DLGAP2: variants seen among roughly 807,000 people sequenced by gnomAD.
DLGAP2 encodes DLG associated protein 2.
DLGAP2 carries 26 observed loss-of-function variants against 100.3 expected under a neutral mutation model. That is an observed-to-expected ratio of 0.26 (90% confidence interval 0.19 to 0.36). DLGAP2 has a LOEUF of 0.36. DLGAP2 is among the 10% of genes least tolerant of loss of function. The pLI, the probability that DLGAP2 is intolerant of heterozygous loss-of-function variation, is 1.00. For synonymous variants in DLGAP2, 886 were observed against 630.1 expected (o/e 1.41, Z -6.08); for missense variants, 1,858 against 1,453.2 (o/e 1.28, Z -4.53).
intron 13 of DLGAP2, among the ~76,000 whole-genome samples, 154 bp downstream of exon 13, chr8:1,691,780 A>G (rs550314041): frequency 6.6e-6 from 1 of 152,310 alleles, no homozygotes; most frequent in South Asian, 2.1e-4. Flanking sequence ...CGCCCTGGGG[A>G]AAGAGACGAT....
At chr8:1,420,743 C>A (rs1563136291) in intron 3 of DLGAP2, among the ~76,000 whole-genome samples, 1 of 152,092 alleles carries the variant, frequency 6.6e-6, no homozygotes, top group African/African-American at 2.4e-5. Context: ...AACTCAGCTC[C>A]CTGGCTCGGT....
At chr8:1,285,709 C>G (rs1799908101) in intron 3 of DLGAP2, among the ~76,000 whole-genome samples, 1 of 152,196 alleles carries the variant, frequency 6.6e-6, no homozygotes. Context: ...TGGCTCATGC[C>G]TGTAATCCCA....
At chr8:1,216,662 G>C (rs1314190474) in intron 2 of DLGAP2, among the ~76,000 whole-genome samples, 1 of 152,102 alleles carries the variant, frequency 6.6e-6, no homozygotes, top group Middle Eastern at 3.4e-3. Context: ...CCGCCAATAA[G>C]TATTTATCTA....
chr8:946,418 C>G (rs183662261), intron 2 of DLGAP2, among the ~76,000 whole-genome samples: 1 of 152,056 alleles, frequency 6.6e-6, no homozygotes, highest in Non-Finnish European at 1.5e-5. Flanking sequence ...CGCCCGCCAC[C>G]ACGCCCGGCT....
chr8:1,613,377 C>T (rs1162753681), intron 6 of DLGAP2, among the ~76,000 whole-genome samples: 1 of 151,014 alleles, frequency 6.6e-6, no homozygotes, highest in Non-Finnish European at 1.5e-5. Context: ...GAACATCACA[C>T]TCTGGGGACT....
chr8:1,452,660 G>A (rs995576966), intron 3 of DLGAP2, among the ~76,000 whole-genome samples: 6 of 152,208 alleles, frequency 3.9e-5, no homozygotes, highest in African/African-American at 1.2e-4. Flanking sequence ...AGGAGATGCC[G>A]AAACATTATC....
intron 3 of DLGAP2, among the ~76,000 whole-genome samples, chr8:1,477,574 G>T (rs918263564): frequency 6.6e-6 from 1 of 152,132 alleles, no homozygotes; most frequent in African/African-American, 2.4e-5. Flanking sequence ...TTCAGAGCCT[G>T]TCTACTGTGG....
At chr8:1,569,726 C>T (rs576230216) in intron 6 of DLGAP2, among the ~76,000 whole-genome samples, 17 of 152,360 alleles carry the variant, frequency 1.1e-4, no homozygotes, top group African/African-American at 4.1e-4. Context: ...GGAGGCTGCA[C>T]AAGCCACCAA....
In DLGAP2 at chr8:1,021,096, T is replaced by C. The variant is rs578172843; in HGVS notation, c.73+113130T>C. Among the ~76,000 whole-genome samples, 3 of 152,366 alleles carry C rather than the reference T, an allele frequency of 2.0e-5. No homozygotes were observed. The South Asian group carries it at 6.2e-4, about 32-fold the overall frequency. The stretch of plus-strand genomic sequence containing the variant: ...CTGGATTAGCCCACAGTTTTGTTCC[T>C]ATGATGGTCACTTGTGCCTACAGAT... On this transcript the variant is annotated intron_variant, in intron 2 of 14. Transcript: ENST00000637795.
intron 2 of DLGAP2, among the ~76,000 whole-genome samples, chr8:925,695 A>C (rs149906597): frequency 2.0e-5 from 3 of 152,102 alleles, no homozygotes; most frequent in Non-Finnish European, 4.4e-5. Flanking sequence ...AAATCTCATC[A>C]TGTATATCTG....
At chr8:850,412 G>T (rs543400319) in intron 1 of DLGAP2, among the ~76,000 whole-genome samples, 1 of 152,116 alleles carries the variant, frequency 6.6e-6, no homozygotes, top group South Asian at 2.1e-4. Context: ...AATTTACAAT[G>T]TATTTTAAGA....
At chr8:1,233,733 GCAGGGCTGTAAGTATTTAGGACAT>G (rs1262326064) in intron 2 of DLGAP2, among the ~76,000 whole-genome samples, 2 of 152,132 alleles carry the variant, frequency 1.3e-5, no homozygotes, top group African/African-American at 4.8e-5. Flanking sequence ...TGGGAAACAC[GCAGGGCTGTAAGTATTTAGGACAT>G]CAGGGTCTCA....
At chr8:1,230,260 C>T (rs1798507657) in intron 2 of DLGAP2, among the ~76,000 whole-genome samples, 1 of 152,130 alleles carries the variant, frequency 6.6e-6, no homozygotes, top group Admixed American at 6.5e-5. Context: ...CTATCCTATT[C>T]TTAATAGCTA....
chr8:1,347,000 G>C lies in DLGAP2; in HGVS notation c.106+88117G>C, dbSNP rs548315089. Among the ~76,000 whole-genome samples, 59 of 152,160 alleles carry C rather than the reference G, an allele frequency of 3.9e-4. 1 individual carries two copies. The highest frequency in any genetic ancestry group is 7.2e-4 in the Non-Finnish European group (49 of 67,996). ...GAGCTGCATTGCACTCATGGTAGCT[G>C]TGTGGAGGTTGAGTTACCATACAGA... is the stretch of plus-strand genomic sequence containing the variant. On this transcript the variant is annotated intron_variant, in intron 3 of 14. Transcript: ENST00000637795.
intron 2 of DLGAP2, among the ~76,000 whole-genome samples, chr8:1,102,654 C>G (rs1804623096): frequency 1.3e-5 from 2 of 152,174 alleles, no homozygotes; most frequent in Non-Finnish European, 2.9e-5. Context: ...CATGTGGGCA[C>G]TCGCCTCTGT....
chr8:1,185,705 ACACTCACACACACACACACACTCACACT>A lies in DLGAP2; in HGVS notation c.74-73142_74-73115del, dbSNP rs1331281895. Reference sequence around the variant, plus strand: ...AAACTAGCTGTAAACACACACACTCACACTCACACACACACACACACTCACACTCACACACACACACTCACACACATTC... The same window carrying A: ...AAACTAGCTGTAAACACACACACTCACACACACACACACTCACACACATTC... On this transcript the variant is annotated intron_variant, in intron 2 of 14. Coordinates refer to ENST00000637795, the MANE Select transcript of DLGAP2 (RefSeq NM_001346810.2). 4.9e-5 allele frequency among the ~76,000 whole-genome samples: 5 copies of A among 101,388 alleles called. No homozygotes were observed. In the South Asian group the frequency reaches 1.2e-3, roughly 25 times the overall value. 66.5% of individuals were successfully genotyped at this position (101,388 alleles called of 152,430 possible). A position where few individuals can be genotyped will look rare whatever the true frequency, so the allele number is the denominator to read the frequency against.
intron 1 of DLGAP2, among the ~76,000 whole-genome samples, chr8:771,615 T>C (rs1821362726): frequency 6.6e-6 from 1 of 152,202 alleles, no homozygotes; most frequent in South Asian, 2.1e-4. Context: ...GTGGTTTAGT[T>C]AAGAGTAATG....
chr8:1,210,964 A>C (rs1484123380), intron 2 of DLGAP2, among the ~76,000 whole-genome samples: 1 of 152,132 alleles, frequency 6.6e-6, no homozygotes, highest in African/African-American at 2.4e-5. Flanking sequence ...TCAAGGACAG[A>C]TCCTCCCCAA....
At chr8:1,027,000 G>A (rs562350553) in intron 2 of DLGAP2, among the ~76,000 whole-genome samples, 1 of 152,152 alleles carries the variant, frequency 6.6e-6, no homozygotes, top group African/African-American at 2.4e-5. Context: ...AACCAAATAA[G>A]AATCACATTT....
Sources: gnomAD v4.1 joint callset for allele counts (sites outside exome capture counted in the v4.1 genomes callset) on GRCh38, gnomAD v4.1.1 for gene constraint, MANE v1.5 for transcripts, NCBI Gene and HGNC (gene_info 2026-07-23, HGNC 2026-07-21) for gene names.